DKK2: variants seen among roughly 807,000 people sequenced by gnomAD.
The protein encoded by DKK2 is dickkopf Wnt signaling pathway inhibitor 2, also known as dickkopf-related protein 2.
A neutral mutation model predicts 28.1 loss-of-function variants in DKK2; 11 were observed. That is an observed-to-expected ratio of 0.39 (90% CI 0.25 to 0.65). DKK2 has a LOEUF of 0.65. Among genes scored for constraint, DKK2 ranks in the 30% least tolerant of loss-of-function variants. The probability of loss-of-function intolerance (pLI) is 0.47; values close to 1 mark genes in which losing one functional copy is unlikely to be tolerated. For missense variants in DKK2, 326 were observed against 335.5 expected (o/e 0.97, Z 0.22); for synonymous variants, 135 against 126.5 (o/e 1.07, Z -0.45).
intron 1 of DKK2, among the ~76,000 whole-genome samples, chr4:106,946,335 G>C (rs934841183): frequency 1.3e-5 from 2 of 151,868 alleles, no homozygotes; most frequent in African/African-American, 4.8e-5. Flanking sequence ...AGTATTTATG[G>C]GTGAAATAAT....
intron 1 of DKK2, among the ~76,000 whole-genome samples, chr4:106,942,491 C>G (rs1015160181): frequency 7.9e-5 from 12 of 152,222 alleles, no homozygotes; most frequent in Middle Eastern, 3.4e-3. Context: ...ATATACTAGA[C>G]TCTTTTTAAG....
intron 1 of DKK2, among the ~76,000 whole-genome samples, chr4:106,992,753 G>A (rs568854151): frequency 3.9e-5 from 6 of 152,194 alleles, no homozygotes; most frequent in East Asian, 1.9e-4. Context: ...TGGGGGCAGA[G>A]TGTAGCAGAG....
chr4:107,035,998 C>G lies in DKK2; in HGVS notation c.-407G>C, dbSNP rs1167193350. ...ACTCTCCTCTTAATTGATCAGGAGG[C>G]CCGCATCAGCTCCTTCTCCTTCAAC... On this transcript the variant is annotated 5_prime_UTR_variant, in exon 1 of 4. Coordinates refer to ENST00000285311, the MANE Select transcript of DKK2 (RefSeq NM_014421.3). 2 of 216,170 alleles carry G rather than the reference C, an allele frequency of 9.3e-6. No homozygotes were observed. Among genetic ancestry groups the G allele is most frequent in the Non-Finnish European group, 1.9e-5 (2 of 107,570 alleles). 13.4% of individuals were successfully genotyped at this position (216,170 alleles called of 1,614,324 possible).
intron 1 of DKK2, among the ~76,000 whole-genome samples, chr4:106,926,580 C>A (rs1724429029): frequency 6.6e-6 from 1 of 152,086 alleles, no homozygotes; most frequent in Non-Finnish European, 1.5e-5. Context: ...AGTTGAGCTC[C>A]CAGCAGCCAG....
chr4:107,003,356 T>C (rs1723390087), intron 1 of DKK2, among the ~76,000 whole-genome samples: 2 of 152,244 alleles, frequency 1.3e-5, no homozygotes, highest in Admixed American at 6.5e-5. Flanking sequence ...TCCTGTGGCT[T>C]TCCTCTGCTC....
At chr4:106,925,077 A>T (rs900764257) in intron 2 of DKK2, among the ~76,000 whole-genome samples, 2 of 152,188 alleles carry the variant, frequency 1.3e-5, no homozygotes, top group Non-Finnish European at 2.9e-5. Flanking sequence ...TAACAACATA[A>T]TGTTAGTTTA....
intron 1 of DKK2, among the ~76,000 whole-genome samples, chr4:106,972,197 G>A (rs554514850): frequency 7.3e-5 from 11 of 151,656 alleles, no homozygotes; most frequent in East Asian, 1.9e-4. Flanking sequence ...ATCTACCCCC[G>A]CCTCACCACT....
intron 1 of DKK2, among the ~76,000 whole-genome samples, chr4:106,969,889 C>T (rs1392743376): frequency 6.6e-6 from 1 of 152,032 alleles, no homozygotes; most frequent in Non-Finnish European, 1.5e-5. Flanking sequence ...GGCCTTCCTA[C>T]TCCAGGGGCA....
intron 1 of DKK2, among the ~76,000 whole-genome samples, chr4:106,970,496 A>G (rs1464173816): frequency 4.6e-5 from 7 of 152,078 alleles, no homozygotes; most frequent in Non-Finnish European, 7.4e-5. Context: ...TATTATTACC[A>G]TTATCCATGT....
chr4:107,016,518 C>G (rs904381345), intron 1 of DKK2, among the ~76,000 whole-genome samples: 1 of 151,898 alleles, frequency 6.6e-6, no homozygotes, highest in African/African-American at 2.4e-5. Flanking sequence ...CTGCTCTGTC[C>G]TTATATATCC....
At chr4:106,958,952 C>T (rs1344321543) in intron 1 of DKK2, among the ~76,000 whole-genome samples, 1 of 151,786 alleles carries the variant, frequency 6.6e-6, no homozygotes, top group East Asian at 1.9e-4. Context: ...GCCCTCATTC[C>T]TAATAGATTC....
At chr4:107,023,469 T>A (rs1347678921) in intron 1 of DKK2, among the ~76,000 whole-genome samples, 1 of 151,956 alleles carries the variant, frequency 6.6e-6, no homozygotes, top group Non-Finnish European at 1.5e-5. Context: ...ATAATGAATA[T>A]CAGGCATTAG....
At chr4:107,000,787 A>G (rs1412817965) in intron 1 of DKK2, among the ~76,000 whole-genome samples, 1 of 152,120 alleles carries the variant, frequency 6.6e-6, no homozygotes, top group African/African-American at 2.4e-5. Flanking sequence ...TATTATTTCC[A>G]TTTTATAGAA....
intron 1 of DKK2, among the ~76,000 whole-genome samples, chr4:106,926,604 T>G (rs1174654445): frequency 6.6e-6 from 1 of 151,996 alleles, no homozygotes; most frequent in Non-Finnish European, 1.5e-5. Flanking sequence ...GATGCTAAGC[T>G]CCAATTATAT....
chr4:107,004,233 T>C (rs1044098175), intron 1 of DKK2, among the ~76,000 whole-genome samples: 5 of 152,238 alleles, frequency 3.3e-5, no homozygotes, highest in African/African-American at 1.2e-4. Flanking sequence ...GGCATCTCAC[T>C]TGACCTGTGA....
rs577559877 is a variant in DKK2, at chr4:106,924,449, C to G, written c.529+96G>C. The G allele has an allele frequency of 2.1e-5, 31 of 1,444,478 alleles. No individual in the cohort carries two copies. The East Asian group carries it at 7.2e-4, about 33-fold the overall frequency. 89.5% of individuals were successfully genotyped at this position (1,444,478 alleles called of 1,614,324 possible). ...TGACTAGCTAGGATTAAAGAAACTTCCTTGTAATTTTTTCTAAAACCAATG... is the reference window on the plus strand; with the variant it reads ...TGACTAGCTAGGATTAAAGAAACTTGCTTGTAATTTTTTCTAAAACCAATG... On this transcript the variant is annotated intron_variant, in intron 3 of 3. Coordinates refer to ENST00000285311, the MANE Select transcript of DKK2 (RefSeq NM_014421.3).
chr4:107,035,656 G>A lies in DKK2; in HGVS notation c.-65C>T. ...AGGGGTGGGAATGCAAAGGGAGGGA[G>A]GACCCCAACACGGGGCCCCTCACTT... On this transcript the variant is annotated 5_prime_UTR_variant, in exon 1 of 4. Transcript: ENST00000285311. 6.3e-7 allele frequency: 1 copy of A among 1,575,034 alleles called. No individual in the cohort carries two copies. The highest frequency in any genetic ancestry group is 1.7e-5 in the Admixed American group (1 of 59,486).
chr4:106,972,951 C>A (rs568971362), intron 1 of DKK2, among the ~76,000 whole-genome samples: 1 of 152,208 alleles, frequency 6.6e-6, no homozygotes, highest in Admixed American at 6.5e-5. Flanking sequence ...CATGTGTTCT[C>A]ATTGTTCCAC....
At chr4:106,945,228 T>C (rs188850134) in intron 1 of DKK2, among the ~76,000 whole-genome samples, 1 of 152,272 alleles carries the variant, frequency 6.6e-6, no homozygotes, top group Admixed American at 6.5e-5. Flanking sequence ...CTTTTATTAA[T>C]GGCACATTGA....
Sources: allele counts gnomAD v4.1 joint callset (sites outside exome capture counted in the v4.1 genomes callset), GRCh38; gene constraint gnomAD v4.1.1; transcripts MANE v1.5; gene names NCBI Gene and HGNC (gene_info 2026-07-23, HGNC 2026-07-21).